GRM7: variants seen among roughly 807,000 people sequenced by gnomAD.
GRM7 encodes the protein metabotropic glutamate receptor 7.
In GRM7, 35 loss-of-function variants were observed where a neutral mutation model predicts 84.5. That is an observed-to-expected ratio of 0.41 (90% CI 0.32 to 0.55). The LOEUF is 0.55. Among genes scored for constraint, GRM7 ranks in the 20% least tolerant of loss-of-function variants. The pLI is 0.19. For synonymous variants in GRM7, 487 were observed against 455.1 expected (o/e 1.07, Z -0.89); for missense variants, 1,003 against 1,194.6 (o/e 0.84, Z 2.36).
chr3:7,150,769 A>G (rs970680959), intron 2 of GRM7, among the ~76,000 whole-genome samples: 1 of 152,180 alleles, frequency 6.6e-6, no homozygotes, highest in Admixed American at 6.5e-5. Flanking sequence ...CCTAAATTAG[A>G]CATTTAAAAC....
intron 1 of GRM7, among the ~76,000 whole-genome samples, chr3:6,992,169 T>C (rs191136974): frequency 6.6e-6 from 1 of 152,320 alleles, no homozygotes; most frequent in East Asian, 1.9e-4. Context: ...AAATGACTCT[T>C]AGTATTCCTT....
At chr3:7,380,747 A>G (rs1476465301) in intron 4 of GRM7, among the ~76,000 whole-genome samples, 1 of 152,186 alleles carries the variant, frequency 6.6e-6, no homozygotes, top group Non-Finnish European at 1.5e-5. Flanking sequence ...AAACTCAAGG[A>G]ATGTGTCCTC....
chr3:7,222,898 G>T (rs6807442), intron 2 of GRM7, among the ~76,000 whole-genome samples: 26,856 of 152,040 alleles, frequency 0.18, 2,720 homozygotes, highest in African/African-American at 0.27. Context: ...TCCTATCACT[G>T]GACTGTGTAA....
At chr3:7,691,015 T>G in intron 9 of GRM7, 1 of 380,350 alleles carries the variant, frequency 2.6e-6, no homozygotes, top group South Asian at 2.0e-5. Flanking sequence ...TTCCATCTAC[T>G]AAAGATGTAT....
intron 1 of GRM7, among the ~76,000 whole-genome samples, chr3:7,078,172 T>C (rs909323771): frequency 6.6e-6 from 1 of 152,198 alleles, no homozygotes; most frequent in Admixed American, 6.5e-5. Flanking sequence ...ATCAGTTCTG[T>C]TGTCAGCCAT....
chr3:6,885,527 G>A (rs1695657065), intron 1 of GRM7, among the ~76,000 whole-genome samples: 2 of 152,140 alleles, frequency 1.3e-5, no homozygotes, highest in South Asian at 4.1e-4. Flanking sequence ...ACCTGTTTGA[G>A]CTAGTCCATC....
chr3:7,334,836 G>C (rs149917641), intron 4 of GRM7, among the ~76,000 whole-genome samples: 1 of 152,206 alleles, frequency 6.6e-6, no homozygotes, highest in East Asian at 1.9e-4. Context: ...ATTATTTAAT[G>C]ATAAAAGGAC....
chr3:7,123,659 G>A (rs1488213954), intron 1 of GRM7, among the ~76,000 whole-genome samples: 1 of 151,994 alleles, frequency 6.6e-6, no homozygotes, highest in Non-Finnish European at 1.5e-5. Context: ...GTTCAGGAAT[G>A]CACTACATCA....
intron 1 of GRM7, among the ~76,000 whole-genome samples, chr3:7,066,556 T>C (rs1283725446): frequency 1.3e-5 from 2 of 151,720 alleles, no homozygotes; most frequent in Admixed American, 6.6e-5. Context: ...ACAAAAAAAG[T>C]CCAGGACCAG....
At chr3:7,449,649 C>T (rs983711779) in intron 5 of GRM7, among the ~76,000 whole-genome samples, 5 of 151,570 alleles carry the variant, frequency 3.3e-5, no homozygotes, top group African/African-American at 1.2e-4. Context: ...TTAAAATATC[C>T]AGAAATTTGA....
At chr3:6,873,174 C>T (rs916411779) in intron 1 of GRM7, among the ~76,000 whole-genome samples, 2 of 152,094 alleles carry the variant, frequency 1.3e-5, no homozygotes, top group Non-Finnish European at 2.9e-5. Flanking sequence ...CAGGTTCAAG[C>T]GATTCTCCCG....
chr3:7,319,204 AG>A lies in GRM7; in HGVS notation c.1033+12557del, dbSNP rs199950342. On this transcript the variant is annotated intron_variant, in intron 4 of 9. Transcript: ENST00000357716. ...GGATCGTGATAATAGAGATAAGCTT[AG>A]GGGGTTGTGTGTACACCAGTAGATA... Among the ~76,000 whole-genome samples the A allele has an allele frequency of 5.6e-3, 858 of 152,088 alleles. 10 individuals are homozygous for A. The highest frequency in any genetic ancestry group is 0.019 in the African/African-American group (797 of 41,456).
chr3:7,622,820 G>C (rs1697423926), intron 8 of GRM7, among the ~76,000 whole-genome samples: 1 of 152,096 alleles, frequency 6.6e-6, no homozygotes, highest in Admixed American at 6.6e-5. Flanking sequence ...AGTCCATGAG[G>C]GCAGACTGAA....
intron 1 of GRM7, among the ~76,000 whole-genome samples, chr3:6,960,756 GTTCCCTTATT>G (rs1693265753): frequency 6.6e-6 from 1 of 152,004 alleles, no homozygotes; most frequent in South Asian, 2.1e-4. Flanking sequence ...GATGACCCAG[GTTCCCTTATT>G]TTCCCCTAAG....
intron 4 of GRM7, among the ~76,000 whole-genome samples, chr3:7,311,659 T>A (rs1462490817): frequency 6.6e-6 from 1 of 151,312 alleles, no homozygotes; most frequent in Non-Finnish European, 1.5e-5. Context: ...AGTGGCGCAG[T>A]CTTGGCTTAC....
intron 9 of GRM7, among the ~76,000 whole-genome samples, chr3:7,700,845 T>C (rs1701201398): frequency 6.6e-6 from 1 of 152,216 alleles, no homozygotes; most frequent in South Asian, 2.1e-4. Context: ...TAAATAGTTT[T>C]AAGAGGTAAG....
intron 8 of GRM7, among the ~76,000 whole-genome samples, chr3:7,649,229 C>A (rs1698813857): frequency 6.6e-6 from 1 of 151,934 alleles, no homozygotes; most frequent in Non-Finnish European, 1.5e-5. Flanking sequence ...ACTACCACGC[C>A]CGGCTAATTT....
intron 8 of GRM7, among the ~76,000 whole-genome samples, chr3:7,676,954 G>C (rs1323223625): frequency 6.6e-6 from 1 of 151,956 alleles, no homozygotes; most frequent in African/African-American, 2.4e-5. Flanking sequence ...ATTAAGTGAT[G>C]CATGACTGTA....
intron 9 of GRM7, among the ~76,000 whole-genome samples, chr3:7,707,415 G>C (rs1019534674): frequency 2.0e-5 from 3 of 152,104 alleles, no homozygotes; most frequent in Non-Finnish European, 4.4e-5. Flanking sequence ...AGGGAACTGA[G>C]AGGCAGGATG....
Sources: allele counts gnomAD v4.1 joint callset (sites outside exome capture counted in the v4.1 genomes callset), GRCh38; gene constraint gnomAD v4.1.1; transcripts MANE v1.5; gene names NCBI Gene and HGNC (gene_info 2026-07-23, HGNC 2026-07-21).